PDS5A: variants seen among roughly 807,000 people sequenced by gnomAD.
The protein encoded by PDS5A is sister chromatid cohesion protein PDS5 homolog A.
PDS5A carries 42 observed loss-of-function variants against 167.1 expected under a neutral mutation model. That is an observed-to-expected ratio of 0.25 (90% CI 0.20 to 0.33). The LOEUF is 0.33. Ranked by LOEUF, PDS5A falls within the 10% of genes least tolerant of loss-of-function variation. The pLI is 1.00. For missense variants in PDS5A, 1,033 were observed against 1,605.9 expected (o/e 0.64, Z 6.10); for synonymous variants, 553 against 554.6 (o/e 1.00, Z 0.04).
intron 2 of PDS5A, chr4:39,973,236 C>A: frequency 6.9e-7 from 1 of 1,444,798 alleles, no homozygotes; most frequent in South Asian, 1.1e-5. Context: ...CAGAGTGACT[C>A]TGGACTCTCG....
At chr4:39,921,726 T>C (rs1408192118) in intron 6 of PDS5A, among the ~76,000 whole-genome samples, 1 of 151,886 alleles carries the variant, frequency 6.6e-6, no homozygotes, top group Non-Finnish European at 1.5e-5. Flanking sequence ...CACTCCAGCC[T>C]AGGTGACAGA....
At position 39,862,204 on chromosome 4, in the gene PDS5A, A is replaced by T. The variant is rs1156527010; in HGVS notation, c.3086+15T>A. ...AACATAATTTTTAGAGTTCTTGAAA[A>T]ACAACAAGACTTACTCTTTGATATC... On this transcript the variant is annotated intron_variant, in intron 26 of 32. Coordinates refer to ENST00000303538, the MANE Select transcript of PDS5A (RefSeq NM_001100399.2). 1 of 1,083,284 alleles carries T rather than the reference A, an allele frequency of 9.2e-7. No individual in the cohort carries two copies. The highest frequency in any genetic ancestry group is 1.3e-6 in the Non-Finnish European group (1 of 773,286). The allele number at this position is 1,083,284 out of a possible 1,614,324, so 67.1% of individuals were successfully genotyped here.
chr4:39,925,790 TAATC>T (rs766783979), intron 5 of PDS5A, 42 bp downstream of exon 5: 28 of 717,180 alleles, frequency 3.9e-5, no homozygotes, highest in African/African-American at 9.1e-5. Flanking sequence ...TCTGAATACA[TAATC>T]AAGAAAAAGA....
chr4:39,881,379 T>C (rs1720913995), intron 17 of PDS5A, among the ~76,000 whole-genome samples: 1 of 151,934 alleles, frequency 6.6e-6, no homozygotes, highest in African/African-American at 2.4e-5. Flanking sequence ...CCCTCCATAC[T>C]GTTCTCCATA....
At chr4:39,906,917 T>TAAAATAAA (rs1320189136) in intron 11 of PDS5A, among the ~76,000 whole-genome samples, 2 of 54,034 alleles carry the variant, frequency 3.7e-5, no homozygotes, top group African/African-American at 1.2e-4. Flanking sequence ...ATTTCTTACA[T>TAAAATAAA]AAAAAAAAAA....
chr4:39,879,179 T>C (rs1560449007), intron 18 of PDS5A, among the ~76,000 whole-genome samples: 1 of 152,150 alleles, frequency 6.6e-6, no homozygotes, highest in Admixed American at 6.5e-5. Context: ...CTTCCCTTCT[T>C]TTACTCAATC....
chr4:39,973,960 TA>T (rs531909267), intron 2 of PDS5A: 4 of 513,580 alleles, frequency 7.8e-6, no homozygotes, highest in African/African-American at 2.0e-5. Context: ...CCGTCTCTAC[TA>T]AAAAAATACA....
chr4:39,957,634 A>G (rs193000245), intron 2 of PDS5A, among the ~76,000 whole-genome samples: 12 of 152,034 alleles, frequency 7.9e-5, no homozygotes, highest in Admixed American at 7.9e-4. Context: ...AAGTACAAAA[A>G]AATTAGCCGG....
chr4:39,926,070 T>G (rs77860980), intron 4 of PDS5A, 137 bp from the exon 5 acceptor site: 9,985 of 318,706 alleles, frequency 0.031, 566 homozygotes, highest in East Asian at 0.21. Context: ...AAATTTTAAG[T>G]GTTAATCACA....
chr4:39,929,923 A>C (rs1311659342), intron 2 of PDS5A, among the ~76,000 whole-genome samples: 1 of 151,170 alleles, frequency 6.6e-6, no homozygotes, highest in East Asian at 1.9e-4. Flanking sequence ...TCAAAAAAAA[A>C]AAATTTGGGG....
At chr4:39,915,688 C>G (rs1355566858) in intron 8 of PDS5A, among the ~76,000 whole-genome samples, 1 of 151,990 alleles carries the variant, frequency 6.6e-6, no homozygotes, top group African/African-American at 2.4e-5. Context: ...CAAAATTTTT[C>G]TCAAGCAAAA....
intron 16 of PDS5A, among the ~76,000 whole-genome samples, chr4:39,893,667 T>C (rs760671433): frequency 2.5e-4 from 38 of 152,224 alleles, no homozygotes; most frequent in Non-Finnish European, 5.0e-4. Context: ...TAATATTCAG[T>C]AGCCCATAGG....
chr4:39,937,533 T>A lies in PDS5A; in HGVS notation c.139-9369A>T, dbSNP rs1187490112. Among the ~76,000 whole-genome samples the A allele has an allele frequency of 2.6e-5, 4 of 152,074 alleles. No individual in the cohort carries two copies. In the South Asian group the frequency reaches 6.2e-4, roughly 24 times the overall value. ...GGCTCAAGTGATCCTCCTGCCTCGG[T>A]CTCCTGAGTAGCTGGGACCACAGAC... On this transcript the variant is annotated intron_variant, in intron 2 of 32. Transcript: ENST00000303538.
intron 6 of PDS5A, 121 bp downstream of exon 6, chr4:39,922,501 G>C: frequency 1.3e-6 from 1 of 760,798 alleles, no homozygotes; most frequent in Non-Finnish European, 1.9e-6. Flanking sequence ...TTTTATTTGA[G>C]GTGGAGAACG....
chr4:39,895,421 A>G (rs1232123669), intron 16 of PDS5A, among the ~76,000 whole-genome samples: 1 of 152,148 alleles, frequency 6.6e-6, no homozygotes, highest in African/African-American at 2.4e-5. Flanking sequence ...TAAAAGATAA[A>G]AACACAATAT....
chr4:39,866,141 C>T lies in PDS5A; in HGVS notation c.2642+720G>A, dbSNP rs190570346. On this transcript the variant is annotated intron_variant, in intron 23 of 32. Coordinates refer to ENST00000303538, the MANE Select transcript of PDS5A (RefSeq NM_001100399.2). ...ATTTATTTATTTATTTTGAGACAGG[C>T]TCTCGCTCTGTTGCCCAGGCTGGAG... 4.2e-3 allele frequency among the ~76,000 whole-genome samples: 642 copies of T among 152,182 alleles called. 3 individuals carry two copies. Among genetic ancestry groups the T allele is most frequent in the African/African-American group, 0.015 (621 of 41,520 alleles).
intron 31 of PDS5A, among the ~76,000 whole-genome samples, chr4:39,841,151 C>A (rs1456869763): frequency 6.6e-6 from 1 of 151,986 alleles, no homozygotes; most frequent in African/African-American, 2.4e-5. Flanking sequence ...CTCTCAATTC[C>A]TTTTTTGAGA....
intron 8 of PDS5A, among the ~76,000 whole-genome samples, chr4:39,916,286 G>A (rs1724374425): frequency 6.6e-6 from 1 of 151,856 alleles, no homozygotes; most frequent in South Asian, 2.1e-4. Context: ...AATAGCAGAG[G>A]GGCAAGAATT....
In PDS5A at chr4:39,877,131, G is replaced by C; in HGVS notation, c.2015C>G (p.Thr672Ser). The C allele has an allele frequency of 6.3e-7, 1 of 1,595,390 alleles. No individual in the cohort carries two copies. Among genetic ancestry groups the C allele is most frequent in the Non-Finnish European group, 8.5e-7 (1 of 1,169,774 alleles). ...ATATGTCTCTGCAGAGTGGAACGAG[G>C]TAGGATGTGTAAAAGACAGAACCTG... ...LLKVLSFTHPTSFHSAETYES... is the reference protein window; with the variant it reads ...LLKVLSFTHPSSFHSAETYES... Residue 672 changes from threonine to serine, a missense_variant, in exon 19 of 33, where the codon ACC (threonine) becomes AGC (serine). Thr to Ser is a moderately conservative substitution (Grantham distance 58). This residue lies in a region of PDS5A where 367 missense variants were observed against 686.7 expected (regional missense o/e 0.53). Transcript: ENST00000303538.
Sources: allele counts gnomAD v4.1 joint callset (sites outside exome capture counted in the v4.1 genomes callset), GRCh38; gene constraint gnomAD v4.1.1; regional missense constraint gnomAD v4.1.1; transcripts MANE v1.5; gene names NCBI Gene and HGNC (gene_info 2026-07-23, HGNC 2026-07-21).